ELMO1: variants seen among roughly 807,000 people sequenced by gnomAD.
The protein encoded by ELMO1 is engulfment and cell motility 1.
In ELMO1, 26 loss-of-function variants were observed where a neutral mutation model predicts 98.9. The observed-to-expected ratio is 0.26, with a 90% CI of 0.19 to 0.36. The LOEUF is 0.36. Among genes scored for constraint, ELMO1 ranks in the 10% least tolerant of loss-of-function variants. The pLI, the probability that ELMO1 is intolerant of heterozygous loss-of-function variation, is 1.00. For missense variants in ELMO1, 627 were observed against 935.2 expected, an observed-to-expected ratio of 0.67 and a Z score of 4.30; for synonymous variants, 346 against 346.0, an observed-to-expected ratio of 1.00 and a Z score of 0.00.
In ELMO1 at chr7:37,320,403, C is replaced by CA. The variant is rs537889959; in HGVS notation, c.79-4444dup. ...CTTCTGGATCTTTATGGTGAGTCAC[C>CA]AAAAACAAACAAACAAAAAAAAATC... On this transcript the variant is annotated intron_variant, in intron 2 of 21. Transcript: ENST00000310758. Among the ~76,000 whole-genome samples, 736 of 150,244 alleles carry CA rather than the reference C, an allele frequency of 4.9e-3. 9 individuals carry two copies. The highest frequency in any genetic ancestry group is 0.017 in the African/African-American group (681 of 40,748).
intron 15 of ELMO1, among the ~76,000 whole-genome samples, chr7:37,026,617 AC>A (rs1459463507): frequency 4.6e-5 from 7 of 152,106 alleles, no homozygotes; most frequent in Non-Finnish European, 8.8e-5. Context: ...CCTAAATTCA[AC>A]CATAATTTAT....
intron 16 of ELMO1, among the ~76,000 whole-genome samples, chr7:36,958,550 C>T (rs536304694): frequency 3.5e-4 from 53 of 152,306 alleles, no homozygotes; most frequent in African/African-American, 1.2e-3. Context: ...TGTAATCAGA[C>T]GGTGAATCAT....
intron 18 of ELMO1, among the ~76,000 whole-genome samples, chr7:36,882,278 C>T (rs1804530915): frequency 6.6e-6 from 1 of 152,186 alleles, no homozygotes; most frequent in African/African-American, 2.4e-5. Context: ...CTAAAATGTG[C>T]CAAGTCTTCT....
At chr7:37,158,534 C>T (rs1038823203) in intron 13 of ELMO1, among the ~76,000 whole-genome samples, 16 of 152,158 alleles carry the variant, frequency 1.1e-4, no homozygotes, top group Non-Finnish European at 4.4e-5. Context: ...ATTTATGCAG[C>T]CAACAGCCAT....
At chr7:37,120,158 C>G (rs1028909776) in intron 14 of ELMO1, among the ~76,000 whole-genome samples, 1 of 152,084 alleles carries the variant, frequency 6.6e-6, no homozygotes, top group African/African-American at 2.4e-5. Context: ...ATTTGGGGTC[C>G]AGGTTCCAAG....
chr7:37,447,894 G>A (rs757079993), intron 1 of ELMO1, among the ~76,000 whole-genome samples: 118 of 151,814 alleles, frequency 7.8e-4, no homozygotes, highest in Non-Finnish European at 1.4e-3. Context: ...CCGATTCCCG[G>A]GCCCCCTGGC....
At chr7:37,308,262 A>G (rs1798716689) in intron 4 of ELMO1, among the ~76,000 whole-genome samples, 1 of 152,158 alleles carries the variant, frequency 6.6e-6, no homozygotes, top group Admixed American at 6.5e-5. Context: ...CTGCAATCCA[A>G]TCGTTTGTCA....
At chr7:37,373,006 C>T (rs890757020) in intron 1 of ELMO1, among the ~76,000 whole-genome samples, 8 of 152,164 alleles carry the variant, frequency 5.3e-5, no homozygotes, top group Non-Finnish European at 8.8e-5. Context: ...ACAGCTGGTA[C>T]GGAAGTGGCA....
chr7:37,024,333 G>A (rs1794449749), intron 15 of ELMO1, among the ~76,000 whole-genome samples: 2 of 152,188 alleles, frequency 1.3e-5, no homozygotes, highest in South Asian at 2.1e-4. Flanking sequence ...GACTGCATTA[G>A]GGAGGTGAAC....
At chr7:36,903,830 C>T (rs535446367) in intron 16 of ELMO1, among the ~76,000 whole-genome samples, 1 of 152,330 alleles carries the variant, frequency 6.6e-6, no homozygotes, top group African/African-American at 2.4e-5. Context: ...TTGTTACTGC[C>T]CACAGTTTTC....
rs1405090018 is a variant in ELMO1 at position 37,192,965 on chromosome 7, TAGGAG to T, written c.1086+18416_1086+18420del. On this transcript the variant is annotated intron_variant, in intron 13 of 21. Transcript: ENST00000310758. ...GATACATATATATTTTTTATATATA[TAGGAG>T]ATATATATATATATATATATATATA... Among the ~76,000 whole-genome samples the T allele has an allele frequency of 6.0e-3, 702 of 117,526 alleles. 7 individuals carry two copies. Among genetic ancestry groups the T allele is most frequent in the Admixed American group, 0.012 (112 of 8,994 alleles). 77.1% of individuals were successfully genotyped at this position (117,526 alleles called of 152,430 possible). A position where few individuals can be genotyped will look rare whatever the true frequency, so the allele number is the denominator to read the frequency against.
chr7:37,224,449 T>TA (rs1001236811), intron 9 of ELMO1, among the ~76,000 whole-genome samples: 2 of 152,230 alleles, frequency 1.3e-5, no homozygotes, highest in Admixed American at 1.3e-4. Flanking sequence ...AGCCTGCCTT[T>TA]AAAAATTCCT....
chr7:36,982,175 C>T (rs1791120138), intron 16 of ELMO1, among the ~76,000 whole-genome samples: 1 of 152,208 alleles, frequency 6.6e-6, no homozygotes, highest in Admixed American at 6.5e-5. Flanking sequence ...TTTGGAACAA[C>T]TTGTGCACAT....
chr7:37,223,756 G>A (rs778788717), intron 9 of ELMO1, among the ~76,000 whole-genome samples: 20 of 152,118 alleles, frequency 1.3e-4, no homozygotes, highest in Admixed American at 6.5e-4. Flanking sequence ...CCACAATCAC[G>A]GAGGCCACCA....
chr7:36,907,463 A>G (rs941150494), intron 16 of ELMO1, among the ~76,000 whole-genome samples: 6 of 152,222 alleles, frequency 3.9e-5, no homozygotes, highest in Non-Finnish European at 5.9e-5. Flanking sequence ...CCACAGCTAC[A>G]AAACTCAGAC....
chr7:36,990,063 C>T (rs537667701), intron 16 of ELMO1, among the ~76,000 whole-genome samples: 8 of 152,134 alleles, frequency 5.3e-5, no homozygotes, highest in African/African-American at 1.7e-4. Context: ...GTGACTTGAT[C>T]GATATTTTCA....
Position 36,853,991 on chromosome 7 carries a change from G to T in ELMO1, c.*1560C>A, listed in dbSNP as rs1412415857. On this transcript the variant is annotated 3_prime_UTR_variant, in exon 22 of 22. Transcript: ENST00000310758. The stretch of plus-strand genomic sequence containing the variant: ...TTGCTAAATGTGCTCCCTCAAAGTT[G>T]TGATGTCTTTAATTAGACCCATTCT... Among the ~76,000 whole-genome samples, 1 of 152,172 alleles carries T rather than the reference G, an allele frequency of 6.6e-6. No individual in the cohort carries two copies. Among genetic ancestry groups the T allele is most frequent in the Non-Finnish European group, 1.5e-5 (1 of 68,036 alleles).
At chr7:36,980,776 C>T (rs1667122417) in intron 16 of ELMO1, among the ~76,000 whole-genome samples, 2 of 152,298 alleles carry the variant, frequency 1.3e-5, no homozygotes, top group South Asian at 2.1e-4. Context: ...TCACTAATTT[C>T]CATTCATGAC....
intron 16 of ELMO1, among the ~76,000 whole-genome samples, chr7:36,971,235 G>C (rs1789922934): frequency 6.6e-6 from 1 of 152,228 alleles, no homozygotes; most frequent in Non-Finnish European, 1.5e-5. Context: ...CCACCAAGGT[G>C]AGGCATGAAC....
Sources: allele counts gnomAD v4.1 joint callset (sites outside exome capture counted in the v4.1 genomes callset), GRCh38; gene constraint gnomAD v4.1.1; transcripts MANE v1.5; gene names NCBI Gene and HGNC (gene_info 2026-07-23, HGNC 2026-07-21).